The following SNTG1 variants were observed in gnomAD, a reference collection of about 807,000 sequenced individuals.
The protein encoded by SNTG1 is gamma-1-syntrophin.
SNTG1 carries 39 observed loss-of-function variants against 74.7 expected under a neutral mutation model. The observed-to-expected ratio is 0.52, with a 90% confidence interval of 0.40 to 0.68. The LOEUF is 0.68. Ranked by LOEUF, SNTG1 falls within the 30% of genes least tolerant of loss-of-function variation. SNTG1 has a pLI of 0.00. For synonymous variants in SNTG1, 254 were observed against 217.1 expected, an observed-to-expected ratio of 1.17 and a Z score of -1.49; for missense variants, 685 against 609.5, an observed-to-expected ratio of 1.12 and a Z score of -1.30.
At chr8:50,441,003 T>G (rs1381670475) in intron 5 of SNTG1, among the ~76,000 whole-genome samples, 1 of 152,246 alleles carries the variant, frequency 6.6e-6, no homozygotes, top group East Asian at 1.9e-4. Context: ...CAGCTGGCCA[T>G]GCCCTACACT....
intron 2 of SNTG1, among the ~76,000 whole-genome samples, chr8:50,352,080 T>A (rs1371357286): frequency 1.3e-5 from 2 of 152,020 alleles, no homozygotes; most frequent in African/African-American, 4.8e-5. Flanking sequence ...CAAGTGAGAG[T>A]CATGTACTCG....
intron 2 of SNTG1, among the ~76,000 whole-genome samples, chr8:50,295,208 A>T (rs1357158706): frequency 6.6e-6 from 1 of 152,200 alleles, no homozygotes; most frequent in Non-Finnish European, 1.5e-5. Context: ...AACAAGAAAT[A>T]ATAATCATGT....
intron 4 of SNTG1, among the ~76,000 whole-genome samples, chr8:50,421,544 G>C (rs888084438): frequency 7.2e-5 from 11 of 152,094 alleles, no homozygotes; most frequent in African/African-American, 2.4e-4. Flanking sequence ...TTTATGACCT[G>C]TATCTTGTGC....
intron 2 of SNTG1, among the ~76,000 whole-genome samples, chr8:50,366,137 G>A (rs759893869): frequency 5.3e-5 from 8 of 152,122 alleles, no homozygotes; most frequent in Admixed American, 1.3e-4. Context: ...TCCATCCAAA[G>A]CATGAAACAT....
intron 17 of SNTG1, among the ~76,000 whole-genome samples, chr8:50,710,281 ACT>A (rs2095457941): frequency 6.6e-6 from 1 of 152,114 alleles, no homozygotes; most frequent in Non-Finnish European, 1.5e-5. Context: ...AATGCCAATG[ACT>A]CTTGAAAACT....
chr8:50,502,015 A>G (rs2093963159), intron 8 of SNTG1, among the ~76,000 whole-genome samples: 1 of 152,002 alleles, frequency 6.6e-6, no homozygotes, highest in African/African-American at 2.4e-5. Context: ...AAATTTTAAA[A>G]TTTGCACATG....
At chr8:50,375,015 T>C (rs2092347035) in intron 2 of SNTG1, among the ~76,000 whole-genome samples, 1 of 152,202 alleles carries the variant, frequency 6.6e-6, no homozygotes. Flanking sequence ...TATCCATTAA[T>C]TGCAGAGTGA....
chr8:50,245,586 G>A (rs2086360413), intron 2 of SNTG1, among the ~76,000 whole-genome samples: 1 of 152,150 alleles, frequency 6.6e-6, no homozygotes, highest in Non-Finnish European at 1.5e-5. Context: ...GGGAGGCTGA[G>A]GCAGGAGAAT....
At chr8:50,174,873 C>A (rs1452063417) in intron 2 of SNTG1, among the ~76,000 whole-genome samples, 1 of 136,152 alleles carries the variant, frequency 7.3e-6, no homozygotes, top group Non-Finnish European at 1.6e-5. Flanking sequence ...CCCCCCACCC[C>A]ACAACAGTCC....
chr8:50,130,053 G>C (rs1315924333), intron 1 of SNTG1, among the ~76,000 whole-genome samples: 1 of 152,102 alleles, frequency 6.6e-6, no homozygotes, highest in African/African-American at 2.4e-5. Context: ...ATGTGAATGT[G>C]AAAAAGAAAC....
At chr8:50,334,952 G>T (rs879495565) in intron 2 of SNTG1, among the ~76,000 whole-genome samples, 2 of 152,162 alleles carry the variant, frequency 1.3e-5, no homozygotes, top group Admixed American at 1.3e-4. Flanking sequence ...TCTTCTGCTA[G>T]ATTATACTTA....
At chr8:50,385,701 C>A (rs1587419075) in intron 2 of SNTG1, among the ~76,000 whole-genome samples, 1 of 152,148 alleles carries the variant, frequency 6.6e-6, no homozygotes, top group Non-Finnish European at 1.5e-5. Flanking sequence ...CAGCTGAAAG[C>A]AAACTGCTTC....
chr8:50,272,218 C>G (rs2087820340), intron 2 of SNTG1, among the ~76,000 whole-genome samples: 1 of 152,306 alleles, frequency 6.6e-6, no homozygotes, highest in Non-Finnish European at 1.5e-5. Context: ...GAGGTTTTCT[C>G]AAATGTTTAT....
chr8:49,945,522 T>G (rs900121119), intron 1 of SNTG1, among the ~76,000 whole-genome samples: 11 of 152,332 alleles, frequency 7.2e-5, no homozygotes, highest in African/African-American at 2.6e-4. Flanking sequence ...ACAAAATGAC[T>G]TACAATAAGC....
At chr8:49,969,332 G>T (rs1811428345) in intron 1 of SNTG1, among the ~76,000 whole-genome samples, 1 of 147,252 alleles carries the variant, frequency 6.8e-6, no homozygotes, top group Non-Finnish European at 1.5e-5. Flanking sequence ...TTTATGGGAA[G>T]TTGTAGAATT....
chr8:49,942,226 A>G (rs1808756142), intron 1 of SNTG1, among the ~76,000 whole-genome samples: 1 of 152,226 alleles, frequency 6.6e-6, no homozygotes, highest in Admixed American at 6.5e-5. Context: ...GACTGAAGAC[A>G]AGGAAAAATT....
At chr8:50,509,635 C>A (rs2094046474) in intron 9 of SNTG1, among the ~76,000 whole-genome samples, 1 of 151,840 alleles carries the variant, frequency 6.6e-6, no homozygotes, top group African/African-American at 2.4e-5. Context: ...CCTTCACATC[C>A]TTTCTAAGTT....
intron 11 of SNTG1, among the ~76,000 whole-genome samples, chr8:50,551,030 A>G (rs1347106916): frequency 6.6e-6 from 1 of 152,070 alleles, no homozygotes; most frequent in East Asian, 1.9e-4. Flanking sequence ...CAGGTATTAA[A>G]GTATTTAGAT....
chr8:50,043,044 T>C (rs540307672), intron 1 of SNTG1, among the ~76,000 whole-genome samples: 7 of 152,230 alleles, frequency 4.6e-5, no homozygotes, highest in Non-Finnish European at 1.0e-4. Flanking sequence ...TTACTAGTTT[T>C]ATTTATTTCC....
Sources: allele counts gnomAD v4.1 joint callset (sites outside exome capture counted in the v4.1 genomes callset), GRCh38; gene constraint gnomAD v4.1.1; transcripts MANE v1.5; gene names NCBI Gene and HGNC (gene_info 2026-07-23, HGNC 2026-07-21).